The following SVOP variants were observed in gnomAD, a reference collection of about 807,000 sequenced individuals.
The protein encoded by SVOP is synaptic vesicle 2-related protein.
SVOP carries 17 observed loss-of-function variants against 69.1 expected under a neutral mutation model. That is an observed-to-expected ratio of 0.25 (90% CI 0.17 to 0.37). SVOP has a LOEUF of 0.37. Ranked by LOEUF, SVOP falls within the 10% of genes least tolerant of loss-of-function variation. The probability of loss-of-function intolerance (pLI) is 1.00; values close to 1 mark genes in which losing one functional copy is unlikely to be tolerated. For synonymous variants in SVOP, 238 were observed against 238.6 expected (o/e 1.00, Z 0.02); for missense variants, 435 against 597.5 (o/e 0.73, Z 2.84).
chr12:108,933,423 A>AT (rs1459592484), intron 11 of SVOP, among the ~76,000 whole-genome samples: 2 of 151,924 alleles, frequency 1.3e-5, no homozygotes, highest in Non-Finnish European at 2.9e-5. Flanking sequence ...CACACCTGTA[A>AT]TCCCAGCACT....
At chr12:108,951,675 G>T (rs990259325) in intron 6 of SVOP, among the ~76,000 whole-genome samples, 1 of 152,092 alleles carries the variant, frequency 6.6e-6, no homozygotes, top group Non-Finnish European at 1.5e-5. Flanking sequence ...TACCAGAAAC[G>T]CCGTGGATAT....
Position 109,020,986 on chromosome 12 carries a change from G to A in SVOP, c.-118C>T, listed in dbSNP as rs2040395094. The A allele has an allele frequency of 8.1e-6, 5 of 616,716 alleles. No individual in the cohort carries two copies. The East Asian group carries it at 1.6e-4, about 19-fold the overall frequency. The allele number at this position is 616,716 out of a possible 1,614,324, so 38.2% of individuals were successfully genotyped here. ...CAGCACCCGCGCCGCTTCCTCCCTG[G>A]AGCAGCAGCTGTTCGGGGAGGGAGC... On this transcript the variant is annotated 5_prime_UTR_variant, in exon 1 of 16. Transcript: ENST00000610966.
intron 1 of SVOP, among the ~76,000 whole-genome samples, chr12:108,990,452 T>C (rs1210042200): frequency 7.1e-6 from 1 of 140,322 alleles, no homozygotes; most frequent in East Asian, 2.1e-4. Context: ...AGGTGGGAAC[T>C]GAACAATGAG....
chr12:108,952,230 CTTTTTTTTTTTTT>C (rs36191772), intron 6 of SVOP, among the ~76,000 whole-genome samples: 2 of 98,360 alleles, frequency 2.0e-5, no homozygotes, highest in Non-Finnish European at 4.0e-5. Flanking sequence ...TTTCTTTTCT[CTTTTTTTTTTTTT>C]TTTTTTTTTG....
chr12:109,005,400 G>C (rs2040300420), intron 1 of SVOP, among the ~76,000 whole-genome samples: 1 of 152,174 alleles, frequency 6.6e-6, no homozygotes, highest in Non-Finnish European at 1.5e-5. Context: ...GAGAGCATCT[G>C]GAAGAGCCTA....
chr12:108,926,859 C>T (rs947231866), intron 11 of SVOP, among the ~76,000 whole-genome samples: 9 of 152,208 alleles, frequency 5.9e-5, no homozygotes, highest in African/African-American at 2.2e-4. Context: ...GGGTCTCTGA[C>T]ATTTCTGCAT....
At chr12:109,006,412 C>A (rs2040308050) in intron 1 of SVOP, among the ~76,000 whole-genome samples, 1 of 152,070 alleles carries the variant, frequency 6.6e-6, no homozygotes, top group Non-Finnish European at 1.5e-5. Context: ...GCTGAGAAAT[C>A]ACGAGATGTG....
intron 11 of SVOP, among the ~76,000 whole-genome samples, chr12:108,932,945 C>A (rs1057376624): frequency 3.9e-5 from 6 of 152,098 alleles, no homozygotes; most frequent in Admixed American, 1.3e-4. Flanking sequence ...GTGGTGCAAT[C>A]TCTGCTCACT....
intron 7 of SVOP, among the ~76,000 whole-genome samples, chr12:108,942,969 C>T (rs150978744): frequency 9.2e-5 from 14 of 151,890 alleles, no homozygotes; most frequent in Admixed American, 2.0e-4. Context: ...ATGTTGGCTA[C>T]GCTGTTCTCA....
chr12:108,925,866 T>A (rs4514476), intron 11 of SVOP, among the ~76,000 whole-genome samples: 18,324 of 151,794 alleles, frequency 0.12, 1,290 homozygotes, highest in East Asian at 0.28. Context: ...ACCCTGACCA[T>A]CCTATTTAAA....
chr12:108,950,541 C>G (rs1253099568), intron 6 of SVOP, among the ~76,000 whole-genome samples: 1 of 152,156 alleles, frequency 6.6e-6, no homozygotes, highest in East Asian at 1.9e-4. Flanking sequence ...CACCACCACA[C>G]TTGGCTAATT....
intron 1 of SVOP, among the ~76,000 whole-genome samples, chr12:109,001,403 A>G (rs2040268685): frequency 6.6e-6 from 1 of 151,498 alleles, no homozygotes; most frequent in Non-Finnish European, 1.5e-5. Context: ...TTATAGATTC[A>G]ATGCCATCCC....
chr12:109,002,856 C>T (rs1054362731), intron 1 of SVOP, among the ~76,000 whole-genome samples: 3 of 149,848 alleles, frequency 2.0e-5, no homozygotes, highest in Admixed American at 6.7e-5. Flanking sequence ...ATACCTAATG[C>T]TAGATGACAA....
intron 6 of SVOP, among the ~76,000 whole-genome samples, chr12:108,954,110 T>A: frequency 9.5e-6 from 1 of 105,718 alleles, no homozygotes; most frequent in Non-Finnish European, 1.7e-5. Context: ...TAAGAATCTG[T>A]CTCAAAAAAA....
intron 1 of SVOP, among the ~76,000 whole-genome samples, chr12:109,012,898 G>A (rs1314700565): frequency 1.3e-5 from 2 of 152,288 alleles, no homozygotes; most frequent in African/African-American, 2.4e-5. Context: ...CACTGCACTC[G>A]AGCCTGGGCA....
chr12:108,996,984 C>A (rs546052208), intron 1 of SVOP, among the ~76,000 whole-genome samples: 1 of 152,050 alleles, frequency 6.6e-6, no homozygotes, highest in Non-Finnish European at 1.5e-5. Flanking sequence ...GGAACAGCTC[C>A]GGTCTACAGC....
Position 108,987,409 on chromosome 12 carries a change from G to A in SVOP, c.36-3648C>T, listed in dbSNP as rs144381165. ...GAATAATGCTGTAATGAACATGAGT[G>A]TACAAATATCTATTTGAGTTCCTGC... is the stretch of plus-strand genomic sequence containing the variant. On this transcript the variant is annotated intron_variant, in intron 1 of 15. Transcript: ENST00000610966. Among the ~76,000 whole-genome samples the A allele has an allele frequency of 7.0e-3, 1,070 of 152,286 alleles. 13 individuals carry two copies. Among genetic ancestry groups the A allele is most frequent in the African/African-American group, 0.024 (1,012 of 41,552 alleles).
rs149632810 is a variant in SVOP, at chr12:109,004,702, TATTTCATTTCATTTCATTTC to T, written c.35+16112_35+16131del. Among the ~76,000 whole-genome samples, 326 of 146,460 alleles carry T rather than the reference TATTTCATTTCATTTCATTTC, an allele frequency of 2.2e-3. 1 individual carries two copies. In the South Asian group the frequency reaches 0.028, roughly 13 times the overall value. On this transcript the variant is annotated intron_variant, in intron 1 of 15. Coordinates refer to ENST00000610966, the MANE Select transcript of SVOP (RefSeq NM_018711.5). ...GCCACCATGCCCGGCCTGATACAAGTATTTCATTTCATTTCATTTCATTTCATTTCATTTCATTTCATTTA... is the reference window on the plus strand; with the variant it reads ...GCCACCATGCCCGGCCTGATACAAGTATTTCATTTCATTTCATTTCATTTA...
Position 108,961,040 on chromosome 12 carries a change from T to A in SVOP, c.461A>T (p.Lys154Met). The A allele has an allele frequency of 2.6e-6, 4 of 1,535,804 alleles. No homozygotes were observed. Among genetic ancestry groups the A allele is most frequent in the Non-Finnish European group, 3.5e-6 (4 of 1,145,970 alleles). ...SDQYGRKTGL[K>M]ISVLWTLYYG... ...GTACAGAGTCCACAGCACGCTGATC[T>A]TCAGCCCCTGAAGAGAAGGAAGACA... Residue 154 changes from lysine to methionine, a missense_variant, in exon 6 of 16, where the codon AAG becomes ATG. By Grantham distance (95) the Lys-to-Met change is moderately conservative. Transcript: ENST00000610966.
Sources: allele counts gnomAD v4.1 joint callset (sites outside exome capture counted in the v4.1 genomes callset), GRCh38; gene constraint gnomAD v4.1.1; transcripts MANE v1.5; gene names NCBI Gene and HGNC (gene_info 2026-07-23, HGNC 2026-07-21).